Variants in CHST11 observed in about 807,000 individuals in gnomAD.
The protein encoded by CHST11 is carbohydrate sulfotransferase 11.
A neutral mutation model predicts 30.4 loss-of-function variants in CHST11; 9 were observed. The observed-to-expected ratio is 0.30, with a 90% CI of 0.18 to 0.52. The LOEUF (loss-of-function observed/expected upper bound fraction) is 0.52. Among genes scored for constraint, CHST11 ranks in the 20% least tolerant of loss-of-function variants. The probability of loss-of-function intolerance (pLI) is 0.97; values close to 1 mark genes in which losing one functional copy is unlikely to be tolerated. For missense variants in CHST11, 348 were observed against 460.6 expected, an observed-to-expected ratio of 0.76 and a Z score of 2.24; for synonymous variants, 152 against 187.8, an observed-to-expected ratio of 0.81 and a Z score of 1.56.
chr12:104,702,536 A>G (rs992649971), intron 2 of CHST11, among the ~76,000 whole-genome samples: 1 of 151,934 alleles, frequency 6.6e-6, no homozygotes, highest in African/African-American at 2.4e-5. Flanking sequence ...CCATTCTGTG[A>G]TGTTGACTGA....
chr12:104,480,774 A>G (rs2037614090), intron 1 of CHST11, among the ~76,000 whole-genome samples: 1 of 152,144 alleles, frequency 6.6e-6, no homozygotes, highest in Non-Finnish European at 1.5e-5. Flanking sequence ...GGAAGAAACA[A>G]GAAAGGATCC....
Position 104,761,829 on chromosome 12 carries a change from C to T in CHST11, c.*4026C>T, listed in dbSNP as rs536028627. Reference sequence around the variant, plus strand: ...TGTGGAGTGTGATTTTCTTTTTTCACATATTTGTATGCAGTAGAGAGCCTG... The same window carrying T: ...TGTGGAGTGTGATTTTCTTTTTTCATATATTTGTATGCAGTAGAGAGCCTG... On this transcript the variant is annotated 3_prime_UTR_variant, in exon 3 of 3. Coordinates refer to ENST00000303694, the MANE Select transcript of CHST11 (RefSeq NM_018413.6). 7 of 152,240 alleles carry T rather than the reference C, an allele frequency of 4.6e-5. No individual in the cohort carries two copies. The East Asian group carries it at 9.7e-4, about 21-fold the overall frequency. 9.4% of individuals were successfully genotyped at this position (152,240 alleles called of 1,614,324 possible).
chr12:104,521,283 T>C (rs1359905083), intron 1 of CHST11, among the ~76,000 whole-genome samples: 1 of 152,214 alleles, frequency 6.6e-6, no homozygotes, highest in African/African-American at 2.4e-5. Context: ...TTTTCTGCAA[T>C]GCATATCCGC....
intron 2 of CHST11, among the ~76,000 whole-genome samples, chr12:104,645,986 A>G (rs1381325553): frequency 1.3e-5 from 2 of 151,930 alleles, no homozygotes; most frequent in Non-Finnish European, 2.9e-5. Context: ...ATGGCACCAT[A>G]CTCTCCAGCG....
intron 2 of CHST11, among the ~76,000 whole-genome samples, chr12:104,608,039 G>A (rs2039023692): frequency 6.6e-6 from 1 of 152,124 alleles, no homozygotes; most frequent in Non-Finnish European, 1.5e-5. Context: ...TTTGGGAAAT[G>A]ACCAGTGCGC....
chr12:104,667,346 G>T (rs1208484542), intron 2 of CHST11, among the ~76,000 whole-genome samples: 1 of 152,156 alleles, frequency 6.6e-6, no homozygotes, highest in African/African-American at 2.4e-5. Context: ...TCAGCTCACT[G>T]TGTGTTCCAG....
rs2135946381 is a variant in CHST11, at chr12:104,458,836, G to T, written c.118+1307G>T. 6.6e-6 allele frequency among the ~76,000 whole-genome samples: 1 copy of T among 152,340 alleles called. No homozygotes were observed. The highest frequency in any genetic ancestry group is 6.5e-5 in the Admixed American group (1 of 15,306). On this transcript the variant is annotated intron_variant, in intron 1 of 2. Transcript: ENST00000303694. The surrounding 1 kb of genome is among the most constrained non-coding windows in gnomAD (Gnocchi z 5.7). ...TTGCCTCCCGCCTTCTCCTTTCACTGTGTATCTAACACTTTAAACAGACGC... is the reference window on the plus strand; with the variant it reads ...TTGCCTCCCGCCTTCTCCTTTCACTTTGTATCTAACACTTTAAACAGACGC...
At chr12:104,587,187 C>G (rs907645065) in intron 1 of CHST11, among the ~76,000 whole-genome samples, 2 of 152,204 alleles carry the variant, frequency 1.3e-5, no homozygotes, top group Non-Finnish European at 2.9e-5. Flanking sequence ...ATTAAACTCA[C>G]AAATCTAGGA....
intron 2 of CHST11, among the ~76,000 whole-genome samples, chr12:104,752,513 T>C (rs1469214272): frequency 7.0e-5 from 10 of 143,498 alleles, no homozygotes; most frequent in African/African-American, 1.7e-4. Flanking sequence ...TACTTATTTA[T>C]TTATTTATTT....
chr12:104,550,307 G>C (rs146524293), intron 1 of CHST11, among the ~76,000 whole-genome samples: 1 of 152,320 alleles, frequency 6.6e-6, no homozygotes. Context: ...TTAAGTTAGA[G>C]ATCAGCATCT....
At chr12:104,626,817 A>T (rs2039220419) in intron 2 of CHST11, among the ~76,000 whole-genome samples, 1 of 151,936 alleles carries the variant, frequency 6.6e-6, no homozygotes, top group African/African-American at 2.4e-5. Context: ...TCCTCCACTG[A>T]AGTGGTCCAT....
At chr12:104,689,021 A>G (rs955220825) in intron 2 of CHST11, among the ~76,000 whole-genome samples, 2 of 152,270 alleles carry the variant, frequency 1.3e-5, no homozygotes, top group African/African-American at 4.8e-5. Flanking sequence ...TATAAGTATT[A>G]TATGATACAA....
intron 1 of CHST11, among the ~76,000 whole-genome samples, chr12:104,513,145 T>TG (rs1565969854): frequency 1.3e-4 from 1 of 7,610 alleles, no homozygotes. Flanking sequence ...GGGTTGGGGG[T>TG]GGGGAGGGAG....
At chr12:104,541,114 CCTCT>C (rs67646775) in intron 1 of CHST11, among the ~76,000 whole-genome samples, 36,020 of 147,316 alleles carry the variant, frequency 0.24, 4,489 homozygotes, top group Middle Eastern at 0.38. Flanking sequence ...AGAATCTCTC[CCTCT>C]CTCTCTCTCT....
intron 1 of CHST11, among the ~76,000 whole-genome samples, chr12:104,599,323 G>T (rs1230229457): frequency 6.6e-6 from 1 of 152,202 alleles, no homozygotes; most frequent in Non-Finnish European, 1.5e-5. Context: ...CCCCATAAAA[G>T]CAGACTTTTA....
At chr12:104,730,702 G>A (rs897129731) in intron 2 of CHST11, among the ~76,000 whole-genome samples, 5 of 152,214 alleles carry the variant, frequency 3.3e-5, no homozygotes, top group African/African-American at 1.2e-4. Flanking sequence ...TCCCAGTCCA[G>A]GATATAACAT....
chr12:104,741,030 A>G (rs1388257895), intron 2 of CHST11, among the ~76,000 whole-genome samples: 1 of 152,280 alleles, frequency 6.6e-6, no homozygotes, highest in African/African-American at 2.4e-5. Flanking sequence ...TGTTGCCACA[A>G]AGCTAATCAC....
intron 2 of CHST11, among the ~76,000 whole-genome samples, chr12:104,607,839 G>C (rs1413431707): frequency 6.6e-6 from 1 of 152,114 alleles, no homozygotes; most frequent in Non-Finnish European, 1.5e-5. Context: ...AGGTCACGAG[G>C]AGCCCACAAA....
chr12:104,565,959 G>C (rs2038561591), intron 1 of CHST11, among the ~76,000 whole-genome samples: 1 of 152,190 alleles, frequency 6.6e-6, no homozygotes, highest in African/African-American at 2.4e-5. Context: ...TCTTGGGAGA[G>C]CAGGGATGGT....
Sources: allele counts gnomAD v4.1 joint callset (sites outside exome capture counted in the v4.1 genomes callset), GRCh38; gene constraint gnomAD v4.1.1; non-coding constraint Gnocchi (gnomAD v3.1); transcripts MANE v1.5; gene names NCBI Gene and HGNC (gene_info 2026-07-23, HGNC 2026-07-21).